The following PALM variants were observed in gnomAD, a reference collection of about 807,000 sequenced individuals.
The protein encoded by PALM is paralemmin-1.
In PALM, 18 loss-of-function variants were observed where a neutral mutation model predicts 30.7. The observed-to-expected ratio is 0.59, with a 90% CI of 0.41 to 0.87. The LOEUF (loss-of-function observed/expected upper bound fraction) is 0.87, where lower values mean the gene tolerates loss of function less well. Ranked by LOEUF, PALM falls within the 40% of genes least tolerant of loss-of-function variation. The pLI is 0.00. For synonymous variants in PALM, 286 were observed against 242.8 expected (o/e 1.18, Z -1.66); for missense variants, 529 against 555.4 (o/e 0.95, Z 0.48).
chr19:716,363 T>C (rs57552981), intron 1 of PALM, among the ~76,000 whole-genome samples: 4,464 of 151,690 alleles, frequency 0.029, 232 homozygotes, highest in African/African-American at 0.1. Context: ...TGAGCCGAGA[T>C]TGCGCCACTG....
intron 2 of PALM, among the ~76,000 whole-genome samples, chr19:726,657 G>A (rs1301551966): frequency 2.0e-5 from 3 of 152,088 alleles, no homozygotes; most frequent in South Asian, 2.1e-4. Flanking sequence ...TGACCGCCAC[G>A]ACGCTGGGCT....
intron 5 of PALM, among the ~76,000 whole-genome samples, chr19:731,915 G>A (rs560164075): frequency 2.0e-5 from 3 of 151,968 alleles, no homozygotes; most frequent in Non-Finnish European, 2.9e-5. Context: ...ACCCAACCTC[G>A]GCCTCCCAAA....
chr19:747,971 G>C lies in PALM; in HGVS notation c.*1157G>C, dbSNP rs1026512949. The C allele has an allele frequency of 3.9e-5, 6 of 152,574 alleles. No individual in the cohort carries two copies. The highest frequency in any genetic ancestry group is 3.9e-4 in the Admixed American group (6 of 15,286). 9.5% of individuals were successfully genotyped at this position (152,574 alleles called of 1,614,324 possible). Reference sequence around the variant, plus strand: ...TCACACGTTGGCTTTGGACAACCAGGCCCCAACTTGGTCCCTGCCCTAGGG... The same window carrying C: ...TCACACGTTGGCTTTGGACAACCAGCCCCCAACTTGGTCCCTGCCCTAGGG... On this transcript the variant is annotated 3_prime_UTR_variant, in exon 9 of 9. Transcript: ENST00000338448.
At position 746,695 on chromosome 19, in the gene PALM, G is replaced by C; in HGVS notation, c.1045G>C (p.Glu349Gln). 1.2e-6 allele frequency: 2 copies of C among 1,609,646 alleles called. No individual in the cohort carries two copies. Among genetic ancestry groups the C allele is most frequent in the Non-Finnish European group, 8.5e-7 (1 of 1,178,640 alleles). ...EPAPPNGSAA[E>Q]PPTEAASREE... ...TGCACCACCCAACGGCAGTGCTGCC[G>C]AGCCTCCCACGGAGGCCGCCTCCAG... Residue 349 changes from glutamate to glutamine, a missense_variant, in exon 9 of 9, where the codon GAG becomes CAG. Physicochemically the swap from Glu to Gln is conservative, Grantham distance 29 (BLOSUM62 2). Coordinates refer to ENST00000338448, the MANE Select transcript of PALM (RefSeq NM_002579.3). This position sits in a 1 kb window ranked among gnomAD's most constrained non-coding sequence, Gnocchi z 7.1.
intron 8 of PALM, among the ~76,000 whole-genome samples, chr19:741,463 T>C (rs1184408815): frequency 5.1e-5 from 4 of 77,812 alleles, no homozygotes; most frequent in African/African-American, 2.3e-4. Context: ...GCTGCAGGGG[T>C]GAGGGGAGAC....
intron 1 of PALM, among the ~76,000 whole-genome samples, chr19:710,844 C>G (rs904599927): frequency 2.0e-5 from 3 of 152,218 alleles, no homozygotes; most frequent in Non-Finnish European, 2.9e-5. Flanking sequence ...AGCCGCCATT[C>G]GAGGACGACT....
At chr19:732,577 C>G (rs1021252551) in intron 5 of PALM, among the ~76,000 whole-genome samples, 1 of 152,158 alleles carries the variant, frequency 6.6e-6, no homozygotes. Flanking sequence ...CACCTGTAAT[C>G]TCAGCTGCTC....
intron 8 of PALM, among the ~76,000 whole-genome samples, chr19:743,060 A>G (rs1435024475): frequency 1.3e-5 from 2 of 151,988 alleles, no homozygotes; most frequent in African/African-American, 4.8e-5. Flanking sequence ...CTCGTAGCCC[A>G]TTCTCGTGGC....
chr19:737,759 A>C (rs915580947), intron 7 of PALM, among the ~76,000 whole-genome samples: 1 of 151,862 alleles, frequency 6.6e-6, no homozygotes. Context: ...CGGCCAGGAG[A>C]TCCGTGTGGC....
intron 1 of PALM, among the ~76,000 whole-genome samples, chr19:721,373 C>T (rs2032475795): frequency 6.6e-6 from 1 of 152,098 alleles, no homozygotes; most frequent in Non-Finnish European, 1.5e-5. Context: ...TCAAGTGATC[C>T]TCCTGCCTCA....
At chr19:727,765 G>A in intron 4 of PALM, 71 bp downstream of exon 4, 1 of 1,417,606 alleles carries the variant, frequency 7.1e-7, no homozygotes, top group Admixed American at 2.3e-5. Flanking sequence ...GGGAGGGTGT[G>A]GGCTGGGAAG....
chr19:718,700 C>G (rs556281857), intron 1 of PALM, among the ~76,000 whole-genome samples: 3 of 152,084 alleles, frequency 2.0e-5, no homozygotes, highest in African/African-American at 7.2e-5. Context: ...TGGGGGCCTC[C>G]GTGCTGCATC....
rs1467248282 is a variant in PALM, at chr19:740,494, C to G, written c.634+11C>G. Reference sequence around the variant, plus strand: ...AGGACGAGACCAAAGGTACGAGCACCCCGGCCCCTGCCCTCCCTCCACCTG... The same window carrying G: ...AGGACGAGACCAAAGGTACGAGCACGCCGGCCCCTGCCCTCCCTCCACCTG... On this transcript the variant is annotated intron_variant, in intron 8 of 8. Transcript: ENST00000338448. The G allele has an allele frequency of 4.5e-6, 7 of 1,547,132 alleles. No homozygotes were observed. The South Asian group carries it at 8.4e-5, about 18-fold the overall frequency.
At chr19:717,489 T>C (rs1004033882) in intron 1 of PALM, among the ~76,000 whole-genome samples, 7 of 152,168 alleles carry the variant, frequency 4.6e-5, no homozygotes, top group South Asian at 2.1e-4. Context: ...GCCTCGCTCC[T>C]GTTCACGGCT....
At chr19:726,582 G>C (rs1036666190) in intron 2 of PALM, among the ~76,000 whole-genome samples, 1 of 152,082 alleles carries the variant, frequency 6.6e-6, no homozygotes, top group Non-Finnish European at 1.5e-5. Context: ...CTCCTGTGAC[G>C]TGGCCCGATT....
At chr19:715,841 C>T (rs1196115096) in intron 1 of PALM, among the ~76,000 whole-genome samples, 1 of 152,148 alleles carries the variant, frequency 6.6e-6, no homozygotes, top group African/African-American at 2.4e-5. Context: ...ACACAGGATT[C>T]CAGAACTGCG....
chr19:747,473 C>T lies in PALM; in HGVS notation c.*659C>T, dbSNP rs45490098. The T allele has an allele frequency of 0.071, 10,958 of 153,330 alleles. 547 individuals are homozygous for T. Among genetic ancestry groups the T allele is most frequent in the South Asian group, 0.2 (962 of 4,850 alleles). 9.5% of individuals were successfully genotyped at this position (153,330 alleles called of 1,614,324 possible). A position where few individuals can be genotyped will look rare whatever the true frequency, so the allele number is the denominator to read the frequency against. On this transcript the variant is annotated 3_prime_UTR_variant, in exon 9 of 9. Transcript: ENST00000338448. ...GAGGGGGAACCCCGGGGACATGCCCCCACCCGGGAGGGGCCGGTAACCCCT... is the reference window on the plus strand; with the variant it reads ...GAGGGGGAACCCCGGGGACATGCCCTCACCCGGGAGGGGCCGGTAACCCCT...
At chr19:740,151 C>G (rs1030295422) in intron 7 of PALM, among the ~76,000 whole-genome samples, 2 of 152,230 alleles carry the variant, frequency 1.3e-5, no homozygotes, top group Non-Finnish European at 2.9e-5. Flanking sequence ...GACTGGTCGT[C>G]TCCAGGCACT....
In PALM at chr19:735,933, T is replaced by C. The variant is rs1047488685; in HGVS notation, c.443-86T>C. On this transcript the variant is annotated intron_variant, in intron 6 of 8. Coordinates refer to ENST00000338448, the MANE Select transcript of PALM (RefSeq NM_002579.3). The stretch of plus-strand genomic sequence containing the variant: ...GCATGTGGGAGTCCGGATGCACTTC[T>C]GTGAAGGGGCGTTGGGCTGTCTGGG... 1.1e-5 allele frequency: 12 copies of C among 1,129,862 alleles called. No individual in the cohort carries two copies. In the African/African-American group the frequency reaches 1.1e-4, roughly 10 times the overall value. 70.0% of individuals were successfully genotyped at this position (1,129,862 alleles called of 1,614,324 possible).
Sources: gnomAD v4.1 joint callset for allele counts (sites outside exome capture counted in the v4.1 genomes callset) on GRCh38, gnomAD v4.1.1 for gene constraint, Gnocchi (gnomAD v3.1) non-coding constraint, MANE v1.5 for transcripts, NCBI Gene and HGNC (gene_info 2026-07-23, HGNC 2026-07-21) for gene names.